Variants in CACNA2D1 observed in about 807,000 individuals in gnomAD.
CACNA2D1 encodes the protein calcium voltage-gated channel auxiliary subunit alpha2delta 1.
CACNA2D1 carries 53 observed loss-of-function variants against 171.5 expected under a neutral mutation model. The observed-to-expected ratio is 0.31, with a 90% CI of 0.25 to 0.39. The LOEUF (loss-of-function observed/expected upper bound fraction) is 0.39. CACNA2D1 is among the 10% of genes least tolerant of loss of function. The probability of loss-of-function intolerance (pLI) is 1.00; values close to 1 mark genes in which losing one functional copy is unlikely to be tolerated. For missense variants in CACNA2D1, 903 were observed against 1,299.8 expected (o/e 0.69, Z 4.69); for synonymous variants, 442 against 443.1 (o/e 1.00, Z 0.03).
intron 3 of CACNA2D1, among the ~76,000 whole-genome samples, chr7:82,317,466 T>C (rs915624209): frequency 6.6e-6 from 1 of 152,210 alleles, no homozygotes; most frequent in African/African-American, 2.4e-5. Flanking sequence ...GTATGCCTTC[T>C]ATGCAGCTGA....
At chr7:82,359,648 G>T (rs1820860480) in intron 1 of CACNA2D1, among the ~76,000 whole-genome samples, 1 of 140,902 alleles carries the variant, frequency 7.1e-6, no homozygotes, top group Non-Finnish European at 1.6e-5. Flanking sequence ...GCCAATTCAA[G>T]TCCTCAAACT....
At chr7:82,103,070 G>A (rs979240142) in intron 6 of CACNA2D1, among the ~76,000 whole-genome samples, 2 of 152,168 alleles carry the variant, frequency 1.3e-5, no homozygotes, top group African/African-American at 4.8e-5. Context: ...CACTTTGGGA[G>A]GCTAAGGCAG....
At chr7:82,108,435 A>G (rs999587354) in intron 6 of CACNA2D1, among the ~76,000 whole-genome samples, 3 of 152,152 alleles carry the variant, frequency 2.0e-5, no homozygotes, top group African/African-American at 7.2e-5. Flanking sequence ...TTGTGACCTC[A>G]TTTAATCCTA....
chr7:82,025,454 T>C (rs1206004901), intron 12 of CACNA2D1, among the ~76,000 whole-genome samples: 1 of 151,714 alleles, frequency 6.6e-6, no homozygotes, highest in African/African-American at 2.4e-5. Context: ...TTCAGGTAGT[T>C]AGTTGTTAGA....
intron 3 of CACNA2D1, among the ~76,000 whole-genome samples, chr7:82,285,305 T>G (rs1810619226): frequency 3.3e-5 from 5 of 152,034 alleles, no homozygotes; most frequent in Admixed American, 2.6e-4. Flanking sequence ...GGTCATATCT[T>G]TCCTCAATCA....
At chr7:82,338,253 A>T (rs146756091) in intron 2 of CACNA2D1, among the ~76,000 whole-genome samples, 2,151 of 152,266 alleles carry the variant, frequency 0.014, 38 homozygotes, top group Middle Eastern at 0.065. Flanking sequence ...ATCATAATAC[A>T]GATGCCCCAG....
intron 3 of CACNA2D1, among the ~76,000 whole-genome samples, chr7:82,330,342 CTG>C: frequency 6.6e-6 from 1 of 152,150 alleles, no homozygotes; most frequent in Middle Eastern, 3.4e-3. Context: ...TACATAAAAT[CTG>C]TGTTCATGTA....
rs888497891 is a variant in CACNA2D1, at chr7:82,202,808, C to T, written c.295-32199G>A. Among the ~76,000 whole-genome samples, 11 of 148,646 alleles carry T rather than the reference C, an allele frequency of 7.4e-5. No individual in the cohort carries two copies. The East Asian group carries it at 1.8e-3, about 24-fold the overall frequency. On this transcript the variant is annotated intron_variant, in intron 3 of 38. Coordinates refer to ENST00000356860, the MANE Select transcript of CACNA2D1 (RefSeq NM_000722.4). The stretch of plus-strand genomic sequence containing the variant: ...AGGCTGTTGGCAGAACCAAGGGGTC[C>T]GCGCTGTAAAGACGGGGAAAATGCG...
intron 18 of CACNA2D1, among the ~76,000 whole-genome samples, chr7:82,005,065 A>G (rs37123): frequency 0.024 from 3,625 of 152,198 alleles, 136 homozygotes; most frequent in African/African-American, 0.076. Context: ...CCTGGACATA[A>G]ATAAACATTA....
chr7:82,251,507 A>T (rs1202420376), intron 3 of CACNA2D1, among the ~76,000 whole-genome samples: 1 of 152,202 alleles, frequency 6.6e-6, no homozygotes, highest in Non-Finnish European at 1.5e-5. Context: ...ATATAAAATA[A>T]TTTAAGAGTA....
At chr7:82,284,891 A>C (rs780172002) in intron 3 of CACNA2D1, among the ~76,000 whole-genome samples, 1 of 152,154 alleles carries the variant, frequency 6.6e-6, no homozygotes, top group Non-Finnish European at 1.5e-5. Context: ...GAACTTAACA[A>C]AACTCAAATT....
At chr7:82,068,139 C>A (rs1807884644) in intron 7 of CACNA2D1, among the ~76,000 whole-genome samples, 1 of 152,164 alleles carries the variant, frequency 6.6e-6, no homozygotes, top group Non-Finnish European at 1.5e-5. Flanking sequence ...TCTGTATATT[C>A]TCCAGAGCTC....
At chr7:82,347,189 G>A (rs1386454224) in intron 2 of CACNA2D1, among the ~76,000 whole-genome samples, 2 of 152,136 alleles carry the variant, frequency 1.3e-5, no homozygotes, top group Non-Finnish European at 2.9e-5. Context: ...AGCACTGAAT[G>A]TATTTAATAA....
In CACNA2D1 at chr7:82,050,601, C is replaced by A. The variant is rs201186220; in HGVS notation, c.879+9827G>T. Reference sequence around the variant, plus strand: ...AATTACTCTGCATTGAAAATCTCTTCGGGAGAAGGAGAAATCTCTTTACTA... The same window carrying A: ...AATTACTCTGCATTGAAAATCTCTTAGGGAGAAGGAGAAATCTCTTTACTA... On this transcript the variant is annotated intron_variant, in intron 10 of 38. Coordinates refer to ENST00000356860, the MANE Select transcript of CACNA2D1 (RefSeq NM_000722.4). 6 of 702,734 alleles carry A rather than the reference C, an allele frequency of 8.5e-6. No individual in the cohort carries two copies. In the Admixed American group the frequency reaches 1.2e-4, roughly 14 times the overall value. The allele number at this position is 702,734 out of a possible 1,614,324, so 43.5% of individuals were successfully genotyped here.
chr7:82,306,510 A>C (rs1813752319), intron 3 of CACNA2D1, among the ~76,000 whole-genome samples: 1 of 152,238 alleles, frequency 6.6e-6, no homozygotes, highest in African/African-American at 2.4e-5. Flanking sequence ...CCAATTGCAC[A>C]TGGACTATCC....
intron 12 of CACNA2D1, among the ~76,000 whole-genome samples, chr7:82,016,472 G>A (rs1800465411): frequency 6.6e-6 from 1 of 151,836 alleles, no homozygotes; most frequent in Non-Finnish European, 1.5e-5. Flanking sequence ...AAATAAACAA[G>A]TAAGACTATA....
At chr7:82,370,572 T>TGGACGGATGGATGGAC in intron 1 of CACNA2D1, among the ~76,000 whole-genome samples, 1 of 151,172 alleles carries the variant, frequency 6.6e-6, no homozygotes, top group South Asian at 2.1e-4. Context: ...GATGGATGGA[T>TGGACGGATGGATGGAC]GGATGGATAG....
rs201478925 is a variant in CACNA2D1 at position 82,340,436 on chromosome 7, G to A, written c.178-5185C>T. On this transcript the variant is annotated intron_variant, in intron 2 of 38. Transcript: ENST00000356860. ...TCCTCCTTCCTCAGCCTCCCAAAGC[G>A]CTGGGATTACAGGCGTGAGCCACAG... 1.2e-4 allele frequency among the ~76,000 whole-genome samples: 18 copies of A among 150,894 alleles called. No homozygotes were observed. In the South Asian group the frequency reaches 1.9e-3, roughly 16 times the overall value.
At chr7:82,176,288 G>A (rs901848411) in intron 3 of CACNA2D1, among the ~76,000 whole-genome samples, 8 of 151,788 alleles carry the variant, frequency 5.3e-5, no homozygotes, top group Admixed American at 2.6e-4. Context: ...CCATCTCAAA[G>A]GTAAAATGTT....
Sources: gnomAD v4.1 joint callset for allele counts (sites outside exome capture counted in the v4.1 genomes callset) on GRCh38, gnomAD v4.1.1 for gene constraint, MANE v1.5 for transcripts, NCBI Gene and HGNC (gene_info 2026-07-23, HGNC 2026-07-21) for gene names.